ELAVL1: variants seen among roughly 807,000 people sequenced by gnomAD.
The protein encoded by ELAVL1 is ELAV-like protein 1.
A neutral mutation model predicts 28.4 loss-of-function variants in ELAVL1; 1 was observed. The observed-to-expected ratio is 0.04, with a 90% CI of 0.01 to 0.17. The LOEUF (loss-of-function observed/expected upper bound fraction) is 0.17. Among genes scored for constraint, ELAVL1 ranks in the 10% least tolerant of loss-of-function variants. The pLI is 1.00. For missense variants in ELAVL1, 157 were observed against 447.2 expected, an observed-to-expected ratio of 0.35 and a Z score of 5.85; for synonymous variants, 174 against 183.5, an observed-to-expected ratio of 0.95 and a Z score of 0.42.
intron 5 of ELAVL1, 45 bp downstream of exon 5, chr19:7,967,520 C>A (rs769836408): frequency 1.9e-6 from 3 of 1,590,056 alleles, no homozygotes; most frequent in Admixed American, 1.7e-5. Context: ...CGCCTGCCAG[C>A]GGGGCTAAGT....
chr19:8,003,782 ATAAACAGTAT>A (rs1002039478), intron 1 of ELAVL1, among the ~76,000 whole-genome samples: 1 of 152,084 alleles, frequency 6.6e-6, no homozygotes, highest in African/African-American at 2.4e-5. Context: ...ATGCATCAAC[ATAAACAGTAT>A]TATTTCCTTC....
intron 1 of ELAVL1, among the ~76,000 whole-genome samples, chr19:7,993,064 C>T (rs573699332): frequency 2.6e-5 from 4 of 152,264 alleles, no homozygotes; most frequent in East Asian, 1.9e-4. Context: ...CCACTGTGTC[C>T]GGCTTCTTTC....
intron 1 of ELAVL1, among the ~76,000 whole-genome samples, chr19:8,001,021 C>T (rs748487120): frequency 1.3e-5 from 2 of 152,266 alleles, no homozygotes; most frequent in African/African-American, 4.8e-5. Context: ...CCGAGCTGGG[C>T]ACTAAGTCTC....
intron 2 of ELAVL1, among the ~76,000 whole-genome samples, chr19:7,991,165 T>C (rs187248656): frequency 2.0e-3 from 299 of 152,254 alleles, no homozygotes; most frequent in Admixed American, 5.2e-3. Context: ...AGCCCAAACA[T>C]AACGAAGGGC....
chr19:7,975,398 T>C (rs1985253350), intron 3 of ELAVL1, among the ~76,000 whole-genome samples: 1 of 152,160 alleles, frequency 6.6e-6, no homozygotes, highest in South Asian at 2.1e-4. Context: ...CTCTGATGCC[T>C]CCCAAGGACA....
At chr19:8,004,221 C>T (rs934115097) in intron 1 of ELAVL1, among the ~76,000 whole-genome samples, 2 of 152,238 alleles carry the variant, frequency 1.3e-5, no homozygotes, top group Non-Finnish European at 2.9e-5. Context: ...CAGGCACAGA[C>T]CACGCACAAC....
intron 2 of ELAVL1, among the ~76,000 whole-genome samples, chr19:7,989,647 T>C (rs921801199): frequency 5.9e-5 from 9 of 152,210 alleles, no homozygotes; most frequent in East Asian, 1.9e-4. Context: ...AAGGTGAGAA[T>C]TGTTAGTGGC....
chr19:7,965,422 C>G (rs1005902667), intron 5 of ELAVL1, among the ~76,000 whole-genome samples: 1 of 152,172 alleles, frequency 6.6e-6, no homozygotes, highest in African/African-American at 2.4e-5. Flanking sequence ...GCTGATTTCT[C>G]TGGTCTTGAC....
intron 4 of ELAVL1, among the ~76,000 whole-genome samples, chr19:7,971,123 C>T (rs909787712): frequency 2.0e-5 from 3 of 152,196 alleles, no homozygotes; most frequent in Non-Finnish European, 2.9e-5. Flanking sequence ...ACCCTGGGGG[C>T]GCAATACTAA....
At chr19:8,000,282 T>C (rs1441531845) in intron 1 of ELAVL1, among the ~76,000 whole-genome samples, 2 of 152,212 alleles carry the variant, frequency 1.3e-5, no homozygotes, top group Admixed American at 1.3e-4. Flanking sequence ...ATGCACTATT[T>C]TAAACAATCC....
chr19:7,978,340 G>A (rs1448157166), intron 3 of ELAVL1, among the ~76,000 whole-genome samples: 2 of 152,240 alleles, frequency 1.3e-5, no homozygotes, highest in Non-Finnish European at 2.9e-5. Context: ...CTAGACGGCT[G>A]GGGCTGTGAG....
Position 7,981,389 on chromosome 19 carries a change from GCT to G in ELAVL1, c.173-205_173-204del, listed in dbSNP as rs2145213406. ...TTTTTTTTTAAAGAGATAGGATCTT[GCT>G]CTGTCACCCAGGGTGGAGTCCAGCG... On this transcript the variant is annotated intron_variant, in intron 2 of 5. Transcript: ENST00000407627. The surrounding 1 kb of genome is among the most constrained non-coding windows in gnomAD (Gnocchi z 4.2). Among the ~76,000 whole-genome samples the G allele has an allele frequency of 6.8e-6, 1 of 146,760 alleles. No homozygotes were observed. Among genetic ancestry groups the G allele is most frequent in the African/African-American group, 2.5e-5 (1 of 39,608 alleles).
intron 2 of ELAVL1, among the ~76,000 whole-genome samples, chr19:7,989,030 A>G (rs1333024158): frequency 6.6e-6 from 1 of 152,090 alleles, no homozygotes; most frequent in Non-Finnish European, 1.5e-5. Context: ...ACACGGGGAA[A>G]TGGCTGCTGT....
At chr19:8,003,318 C>T (rs1297674456) in intron 1 of ELAVL1, among the ~76,000 whole-genome samples, 2 of 119,552 alleles carry the variant, frequency 1.7e-5, no homozygotes, top group Non-Finnish European at 3.2e-5. Flanking sequence ...GATGGCACAA[C>T]TGCACTCCAG....
In ELAVL1 at chr19:7,979,276, T is replaced by C. The variant is rs1368704117; in HGVS notation, c.276+1807A>G. Among the ~76,000 whole-genome samples the C allele has an allele frequency of 2.0e-5, 3 of 152,266 alleles. No individual in the cohort carries two copies. The East Asian group carries it at 5.8e-4, about 29-fold the overall frequency. On this transcript the variant is annotated intron_variant, in intron 3 of 5. Transcript: ENST00000407627. This position sits in a 1 kb window ranked among gnomAD's most constrained non-coding sequence, Gnocchi z 5.4. ...AGGGCCGCCGAAGGTGAGGCAGGCT[T>C]CTGCATGCATGGCCGGGATGACAGG...
At chr19:7,992,544 C>CT (rs1426511369) in intron 1 of ELAVL1, among the ~76,000 whole-genome samples, 4 of 152,162 alleles carry the variant, frequency 2.6e-5, no homozygotes, top group African/African-American at 9.7e-5. Context: ...AAGAGGCACA[C>CT]TACAGAGAAA....
chr19:8,004,953 G>A (rs576260720), intron 1 of ELAVL1, among the ~76,000 whole-genome samples: 12 of 151,762 alleles, frequency 7.9e-5, no homozygotes, highest in African/African-American at 2.9e-4. Context: ...TAGAGATGGC[G>A]CTCAAAAAAA....
At chr19:7,997,440 G>C (rs1405046901) in intron 1 of ELAVL1, among the ~76,000 whole-genome samples, 1 of 152,160 alleles carries the variant, frequency 6.6e-6, no homozygotes, top group Non-Finnish European at 1.5e-5. Context: ...TCCTGGAAAA[G>C]GCAAAACCAT....
rs1985492559 is a variant in ELAVL1, at chr19:7,982,605, C to T, written c.173-1419G>A. Reference sequence around the variant, plus strand: ...ACCAAGTTCCCATATGGCCCCCTCCCAGTTTCCCCTATGGGTACCACCGCA... The same window carrying T: ...ACCAAGTTCCCATATGGCCCCCTCCTAGTTTCCCCTATGGGTACCACCGCA... On this transcript the variant is annotated intron_variant, in intron 2 of 5. Transcript: ENST00000407627. This position sits in a 1 kb window ranked among gnomAD's most constrained non-coding sequence, Gnocchi z 4.3. 6.6e-6 allele frequency among the ~76,000 whole-genome samples: 1 copy of T among 152,234 alleles called. No homozygotes were observed. Among genetic ancestry groups the T allele is most frequent in the Non-Finnish European group, 1.5e-5 (1 of 68,042 alleles).
Sources: allele counts gnomAD v4.1 joint callset (sites outside exome capture counted in the v4.1 genomes callset), GRCh38; gene constraint gnomAD v4.1.1; non-coding constraint Gnocchi (gnomAD v3.1); transcripts MANE v1.5; gene names NCBI Gene and HGNC (gene_info 2026-07-23, HGNC 2026-07-21).